SCRG1: variants seen among roughly 807,000 people sequenced by gnomAD.
SCRG1 encodes the protein scrapie-responsive protein 1.
SCRG1 carries 3 observed loss-of-function variants against 7.7 expected under a neutral mutation model. That is an observed-to-expected ratio of 0.39 (90% confidence interval 0.18 to 1.01). The LOEUF is 1.01. Ranked by LOEUF, SCRG1 falls within the 50% of genes least tolerant of loss-of-function variation. The probability of loss-of-function intolerance (pLI) is 0.36; values close to 1 mark genes in which losing one functional copy is unlikely to be tolerated. For synonymous variants in SCRG1, 46 were observed against 41.2 expected, an observed-to-expected ratio of 1.12 and a Z score of -0.44; for missense variants, 110 against 117.2, an observed-to-expected ratio of 0.94 and a Z score of 0.28.
chr4:173,410,117 A>G (rs1041977427), upstream of SCRG1, among the ~76,000 whole-genome samples: 2 of 152,220 alleles, frequency 1.3e-5, no homozygotes, highest in Non-Finnish European at 2.9e-5. Context: ...TGAAGGGCTA[A>G]GATAGCTCTG....
At chr4:173,445,714 G>A in the SCRG1 span, among the ~76,000 whole-genome samples, 10 of 149,244 alleles carry the variant, frequency 6.7e-5, no homozygotes, top group Non-Finnish European at 1.2e-4. Context: ...CTTCTAGGCC[G>A]GAGTGCAGTG....
intron 1 of SCRG1, among the ~76,000 whole-genome samples, chr4:173,392,222 G>T (rs1245286637): frequency 4.6e-5 from 7 of 152,166 alleles, no homozygotes; most frequent in African/African-American, 9.7e-5. Flanking sequence ...TTTATAGTTT[G>T]ATTGTTTTTT....
the SCRG1 span, among the ~76,000 whole-genome samples, chr4:173,456,117 A>G: frequency 6.6e-6 from 1 of 152,206 alleles, no homozygotes. Context: ...AAGCCTTGAC[A>G]TCACAACCAC....
chr4:173,485,077 T>A, the SCRG1 span, among the ~76,000 whole-genome samples: 2 of 8,914 alleles, frequency 2.2e-4, no homozygotes, highest in East Asian at 5.5e-3. Context: ...TATTATATAT[T>A]ATATAATATA....
At chr4:173,482,490 C>G in the SCRG1 span, among the ~76,000 whole-genome samples, 1 of 152,056 alleles carries the variant, frequency 6.6e-6, no homozygotes, top group African/African-American at 2.4e-5. Flanking sequence ...TCTGGGCTGG[C>G]CTTGTGACAG....
chr4:173,503,662 G>C, the SCRG1 span, among the ~76,000 whole-genome samples: 3 of 152,180 alleles, frequency 2.0e-5, no homozygotes, highest in Non-Finnish European at 4.4e-5. This position sits in a 1 kb window ranked among gnomAD's most constrained non-coding sequence, Gnocchi z 6.4. Flanking sequence ...AAGGTATAAA[G>C]GAGGAAGTCA....
chr4:173,449,134 A>T, the SCRG1 span, among the ~76,000 whole-genome samples: 1 of 152,206 alleles, frequency 6.6e-6, no homozygotes, highest in African/African-American at 2.4e-5. Flanking sequence ...GTTACTGCTG[A>T]CAACACTCTC....
chr4:173,500,407 C>T, the SCRG1 span, among the ~76,000 whole-genome samples: 1 of 152,106 alleles, frequency 6.6e-6, no homozygotes, highest in African/African-American at 2.4e-5. Context: ...GAAATACGGG[C>T]GAAGGAGATG....
At chr4:173,399,802 A>T (rs1042042457), upstream of SCRG1, among the ~76,000 whole-genome samples, 6 of 152,228 alleles carry the variant, frequency 3.9e-5, no homozygotes, top group African/African-American at 1.4e-4. Flanking sequence ...TTAGGTTTTT[A>T]AAAAATTCGA....
the SCRG1 span, among the ~76,000 whole-genome samples, chr4:173,484,308 T>G: frequency 1.3e-5 from 1 of 74,868 alleles, no homozygotes; most frequent in Non-Finnish European, 2.3e-5. Context: ...ATATTTTATA[T>G]ATTATATATT....
At chr4:173,472,954 G>A in the SCRG1 span, among the ~76,000 whole-genome samples, 16 of 152,266 alleles carry the variant, frequency 1.1e-4, no homozygotes, top group South Asian at 2.9e-3. Flanking sequence ...TACATGCAAA[G>A]AATTTTGCCT....
At chr4:173,452,447 T>C in the SCRG1 span, among the ~76,000 whole-genome samples, 1 of 152,278 alleles carries the variant, frequency 6.6e-6, no homozygotes, top group East Asian at 1.9e-4. Context: ...ACCCATGCAG[T>C]TCAAACTTGG....
chr4:173,501,099 T>C, the SCRG1 span, among the ~76,000 whole-genome samples: 1 of 151,918 alleles, frequency 6.6e-6, no homozygotes, highest in African/African-American at 2.4e-5. This position sits in a 1 kb window ranked among gnomAD's most constrained non-coding sequence, Gnocchi z 5.1. Flanking sequence ...CTGGGGCCCC[T>C]CCAAAGTGGG....
chr4:173,389,160 T>C (rs898550868), intron 2 of SCRG1, among the ~76,000 whole-genome samples: 1 of 152,212 alleles, frequency 6.6e-6, no homozygotes, highest in Non-Finnish European at 1.5e-5. Context: ...TTAACTCAAG[T>C]TCTTGGCATC....
At chr4:173,450,887 C>T in the SCRG1 span, among the ~76,000 whole-genome samples, 2 of 152,092 alleles carry the variant, frequency 1.3e-5, no homozygotes, top group African/African-American at 4.8e-5. Flanking sequence ...AGGCCTGACC[C>T]AGGGCATCCA....
At chr4:173,405,412 T>C (rs993171837) in intron 1 of SCRG1, among the ~76,000 whole-genome samples, 2 of 152,204 alleles carry the variant, frequency 1.3e-5, no homozygotes, top group Admixed American at 6.5e-5. Flanking sequence ...GTTTTCGTTA[T>C]GTGGCTCCAC....
chr4:173,391,420 C>T lies in SCRG1; in HGVS notation c.-6G>A. Reference sequence around the variant, plus strand: ...ACAAGTACCATCAGTTTCATTTTGGCTTTTGGCCCTGAAATAGAAGAAAGA... The same window carrying T: ...ACAAGTACCATCAGTTTCATTTTGGTTTTTGGCCCTGAAATAGAAGAAAGA... On this transcript the variant is annotated 5_prime_UTR_variant, in exon 2 of 3. Transcript: ENST00000296506. 6.2e-7 allele frequency: 1 copy of T among 1,613,774 alleles called. No individual in the cohort carries two copies. The highest frequency in any genetic ancestry group is 8.5e-7 in the Non-Finnish European group (1 of 1,179,740).
the SCRG1 span, among the ~76,000 whole-genome samples, chr4:173,445,310 C>T: frequency 6.6e-6 from 1 of 152,074 alleles, no homozygotes; most frequent in South Asian, 2.1e-4. Context: ...AGGCCGGGCG[C>T]GATGGCTCAT....
the SCRG1 span, among the ~76,000 whole-genome samples, chr4:173,491,851 T>A: frequency 6.6e-6 from 1 of 152,164 alleles, no homozygotes; most frequent in Non-Finnish European, 1.5e-5. Flanking sequence ...AGAACAAGGC[T>A]GGGTGCGGTG....
Sources: gnomAD v4.1 joint callset for allele counts (sites outside exome capture counted in the v4.1 genomes callset) on GRCh38, gnomAD v4.1.1 for gene constraint, Gnocchi (gnomAD v3.1) non-coding constraint, MANE v1.5 for transcripts, NCBI Gene and HGNC (gene_info 2026-07-23, HGNC 2026-07-21) for gene names.